Variants in MTA3 observed in about 807,000 individuals in gnomAD.
MTA3 encodes the protein metastasis-associated protein MTA3.
MTA3 carries 34 observed loss-of-function variants against 83.5 expected under a neutral mutation model. That is an observed-to-expected ratio of 0.41 (90% confidence interval 0.31 to 0.54). MTA3 has a LOEUF of 0.54. MTA3 is among the 20% of genes least tolerant of loss of function. The pLI is 0.33. For synonymous variants in MTA3, 303 were observed against 252.7 expected (o/e 1.20, Z -1.89); for missense variants, 761 against 726.4 (o/e 1.05, Z -0.55).
chr2:42,712,324 C>G (rs1332367549), intron 14 of MTA3, among the ~76,000 whole-genome samples: 1 of 151,868 alleles, frequency 6.6e-6, no homozygotes, highest in Non-Finnish European at 1.5e-5. Flanking sequence ...AAGAGACGGT[C>G]TTGCTCTGTT....
intron 2 of MTA3, among the ~76,000 whole-genome samples, chr2:42,537,590 T>C (rs1191528328): frequency 6.6e-6 from 1 of 150,908 alleles, no homozygotes; most frequent in African/African-American, 2.4e-5. Flanking sequence ...ATAAACAAAA[T>C]AAAATAAAAT....
chr2:42,643,395 G>A (rs75768420), intron 5 of MTA3, among the ~76,000 whole-genome samples: 2,129 of 152,210 alleles, frequency 0.014, 50 homozygotes, highest in African/African-American at 0.048. Context: ...ACGGAATTCA[G>A]CAAAGGACTG....
chr2:42,569,814 T>TAAAA (rs781760628), intron 1 of MTA3: 1 of 152,128 alleles, frequency 6.6e-6, no homozygotes, highest in African/African-American at 2.4e-5. Context: ...GGTAAAAGGG[T>TAAAA]AAAAAAGATG....
intron 4 of MTA3, among the ~76,000 whole-genome samples, chr2:42,613,363 A>C (rs1358686644): frequency 6.6e-6 from 1 of 152,176 alleles, no homozygotes; most frequent in East Asian, 1.9e-4. Context: ...AATAGGGCAG[A>C]GCCGAGTTTT....
At chr2:42,577,262 C>T (rs900668248) in intron 2 of MTA3, among the ~76,000 whole-genome samples, 6 of 151,404 alleles carry the variant, frequency 4.0e-5, no homozygotes, top group Non-Finnish European at 7.4e-5. Context: ...CAGAAGAATG[C>T]TGGAGAGGGT....
chr2:42,509,844 C>T (rs1674814236), intron 2 of MTA3, among the ~76,000 whole-genome samples: 1 of 152,016 alleles, frequency 6.6e-6, no homozygotes, highest in South Asian at 2.1e-4. Context: ...AAATGCTGTT[C>T]TCTGAGTGCT....
At chr2:42,691,019 G>T (rs1692844810) in intron 9 of MTA3, among the ~76,000 whole-genome samples, 1 of 152,074 alleles carries the variant, frequency 6.6e-6, no homozygotes, top group Admixed American at 6.6e-5. Context: ...TGGGACTACA[G>T]GTACACACCA....
rs142451581 is a variant in MTA3, at chr2:42,571,124, G to A, written c.96+620G>A. On this transcript the variant is annotated intron_variant, in intron 2 of 16. Coordinates refer to ENST00000405094, the MANE Select transcript of MTA3 (RefSeq NM_001330442.2). ...GATGAGATTTTAGGCTGGGCATGGC[G>A]GCTCACCCCTGTAATCCCAGCAATT... 1.8e-3 allele frequency among the ~76,000 whole-genome samples: 277 copies of A among 152,148 alleles called. 1 individual carries two copies. The highest frequency in any genetic ancestry group is 6.4e-3 in the African/African-American group (266 of 41,520).
chr2:42,725,536 G>A (rs955601846), intron 16 of MTA3, among the ~76,000 whole-genome samples: 7 of 152,224 alleles, frequency 4.6e-5, no homozygotes, highest in African/African-American at 1.7e-4. Flanking sequence ...TGGGGCAGGG[G>A]CACAGGAAAC....
intron 4 of MTA3, among the ~76,000 whole-genome samples, chr2:42,638,551 C>T (rs1383913818): frequency 2.0e-5 from 3 of 151,646 alleles, no homozygotes; most frequent in Admixed American, 6.6e-5. Context: ...TTTTAATTTT[C>T]AGTAGAGTTG....
intron 5 of MTA3, among the ~76,000 whole-genome samples, chr2:42,641,829 A>G (rs955362478): frequency 6.6e-6 from 1 of 151,968 alleles, no homozygotes; most frequent in African/African-American, 2.4e-5. Context: ...TCGCGCTACT[A>G]TACCTCTAGT....
intron 5 of MTA3, among the ~76,000 whole-genome samples, chr2:42,643,378 T>C (rs1687879838): frequency 6.6e-6 from 1 of 152,146 alleles, no homozygotes; most frequent in African/African-American, 2.4e-5. Context: ...TAATCTCTAG[T>C]GGTTATACGG....
At chr2:42,684,135 C>T (rs1002403566) in intron 9 of MTA3, among the ~76,000 whole-genome samples, 4 of 152,048 alleles carry the variant, frequency 2.6e-5, no homozygotes, top group African/African-American at 9.7e-5. Flanking sequence ...TTTGTTTTGT[C>T]TTTGTGTTTA....
intron 6 of MTA3, among the ~76,000 whole-genome samples, chr2:42,649,464 T>G (rs1279097581): frequency 1.3e-5 from 2 of 152,018 alleles, no homozygotes; most frequent in African/African-American, 4.8e-5. Context: ...TGTTAAAGAA[T>G]TAAAATAGTA....
chr2:42,721,336 T>C (rs1224368977), intron 15 of MTA3, among the ~76,000 whole-genome samples: 12 of 150,932 alleles, frequency 8.0e-5, no homozygotes, highest in Admixed American at 5.9e-4. Context: ...TTTTCTTTTT[T>C]TTTTTTTTTG....
chr2:42,747,909 A>G (rs1376395104), intron 16 of MTA3, among the ~76,000 whole-genome samples: 1 of 151,894 alleles, frequency 6.6e-6, no homozygotes, highest in Non-Finnish European at 1.5e-5. Context: ...CATCACCCCC[A>G]ACAGTTTTCT....
At chr2:42,498,491 GCCTGTAT>G (rs1674245511) in intron 2 of MTA3, among the ~76,000 whole-genome samples, 1 of 152,210 alleles carries the variant, frequency 6.6e-6, no homozygotes, top group African/African-American at 2.4e-5. Flanking sequence ...GCCTCACAGG[GCCTGTAT>G]CATACATAGT....
chr2:42,661,088 A>T (rs1350186703), intron 8 of MTA3, among the ~76,000 whole-genome samples: 29 of 152,218 alleles, frequency 1.9e-4, no homozygotes, highest in Admixed American at 1.8e-3. Context: ...TTGTTCATAG[A>T]AGAAAGTTTT....
chr2:42,686,218 A>G (rs922155326), intron 9 of MTA3, among the ~76,000 whole-genome samples: 2 of 152,248 alleles, frequency 1.3e-5, no homozygotes, highest in African/African-American at 4.8e-5. Context: ...TTTAAGAACA[A>G]ATTGTGTAGA....
Sources: allele counts gnomAD v4.1 joint callset (sites outside exome capture counted in the v4.1 genomes callset), GRCh38; gene constraint gnomAD v4.1.1; transcripts MANE v1.5; gene names NCBI Gene and HGNC (gene_info 2026-07-23, HGNC 2026-07-21).